MYO10: variants seen among roughly 807,000 people sequenced by gnomAD.
MYO10 encodes the protein unconventional myosin-X.
In MYO10, 133 loss-of-function variants were observed where a neutral mutation model predicts 257.3. The observed-to-expected ratio is 0.52, with a 90% confidence interval of 0.45 to 0.60. The LOEUF is 0.60. MYO10 is among the 20% of genes least tolerant of loss of function. The probability of loss-of-function intolerance (pLI) is 0.00; values close to 1 mark genes in which losing one functional copy is unlikely to be tolerated. For synonymous variants in MYO10, 1,104 were observed against 1,028.6 expected (o/e 1.07, Z -1.40); for missense variants, 2,399 against 2,635.7 (o/e 0.91, Z 1.97).
intron 1 of MYO10, among the ~76,000 whole-genome samples, chr5:16,927,735 T>C (rs1318460066): frequency 1.3e-5 from 2 of 152,228 alleles, no homozygotes; most frequent in African/African-American, 2.4e-5. Flanking sequence ...AATTCCCATA[T>C]GTTTCTCCCT....
intron 14 of MYO10, among the ~76,000 whole-genome samples, chr5:16,763,106 G>A (rs772672002): frequency 3.3e-5 from 5 of 151,816 alleles, no homozygotes; most frequent in Admixed American, 2.0e-4. Flanking sequence ...ATACACTATA[G>A]AGAAAACCAA....
At chr5:16,777,839 C>CTATTCTTTTTTTTTT (rs1391555719) in intron 9 of MYO10, among the ~76,000 whole-genome samples, 1 of 88,478 alleles carries the variant, frequency 1.1e-5, no homozygotes, top group African/African-American at 5.4e-5. Flanking sequence ...TTGCATCTAA[C>CTATTCTTTTTTTTTT]TTTTTTTTTT....
At chr5:16,752,936 G>A (rs865818244) in intron 19 of MYO10, among the ~76,000 whole-genome samples, 3 of 151,920 alleles carry the variant, frequency 2.0e-5, no homozygotes, top group African/African-American at 7.3e-5. Flanking sequence ...TTTGAAAAAC[G>A]GAAAGATGGG....
chr5:16,672,589 C>T, intron 37 of MYO10, 100 bp downstream of exon 37: 1 of 1,405,220 alleles, frequency 7.1e-7, no homozygotes, highest in Non-Finnish European at 9.8e-7. Flanking sequence ...AACTCCAATA[C>T]AGCGTGAAGC....
intron 1 of MYO10, among the ~76,000 whole-genome samples, chr5:16,892,558 T>C (rs1745089293): frequency 6.6e-6 from 1 of 152,058 alleles, no homozygotes; most frequent in South Asian, 2.1e-4. Flanking sequence ...TGAGAGAGTC[T>C]CCTGAACCAA....
chr5:16,702,818 T>G, intron 23 of MYO10, 107 bp downstream of exon 23: 1 of 1,091,182 alleles, frequency 9.2e-7, no homozygotes. Context: ...TGTTTCAAAT[T>G]GTAGGTTCTG....
In MYO10 at chr5:16,701,124, A is replaced by C. The variant is rs1049956241; in HGVS notation, c.3271T>G (p.Tyr1091Asp). The C allele has an allele frequency of 2.5e-6, 4 of 1,595,624 alleles. No homozygotes were observed. In the African/African-American group the frequency reaches 5.4e-5, roughly 21 times the overall value. The stretch of plus-strand genomic sequence containing the variant: ...CCGTCCTCATAGTCATCCTGGTCGT[A>C]GTCGTAGTCGCCGTCTGGGGAGGGC... ...DLPSPDGDYD[Y>D]DQDDYEDGAI... The change falls in exon 25 of 41, where the codon TAC becomes GAC. Residue 1091 changes from tyrosine to aspartate, a missense_variant. By Grantham distance (160) the Tyr-to-Asp change is radical. This residue lies in a region of MYO10 where 1,820 missense variants were observed against 1,939.4 expected (regional missense o/e 0.94). Coordinates refer to ENST00000513610, the MANE Select transcript of MYO10 (RefSeq NM_012334.3). The surrounding 1 kb of genome is among the most constrained non-coding windows in gnomAD (Gnocchi z 8.1).
chr5:16,911,224 C>T (rs1208145184), intron 1 of MYO10, among the ~76,000 whole-genome samples: 1 of 152,152 alleles, frequency 6.6e-6, no homozygotes, highest in Admixed American at 6.6e-5. Context: ...CTAGATACCA[C>T]CCTCTCAAAA....
intron 2 of MYO10, among the ~76,000 whole-genome samples, chr5:16,854,621 A>G (rs1743906541): frequency 6.6e-6 from 1 of 152,224 alleles, no homozygotes; most frequent in Non-Finnish European, 1.5e-5. Context: ...ATGTTTCAAC[A>G]TCTATTGTAG....
intron 33 of MYO10, among the ~76,000 whole-genome samples, chr5:16,676,635 G>A (rs1234584192): frequency 6.6e-6 from 1 of 152,160 alleles, no homozygotes; most frequent in African/African-American, 2.4e-5. Context: ...ATAATTGCTT[G>A]AACCCGGGAG....
intron 19 of MYO10, among the ~76,000 whole-genome samples, chr5:16,722,049 G>A (rs1329246992): frequency 1.3e-5 from 2 of 152,096 alleles, no homozygotes; most frequent in Non-Finnish European, 2.9e-5. Flanking sequence ...CTCACTTCCT[G>A]TCTCCACCTC....
chr5:16,752,322 C>T (rs1014040926), intron 19 of MYO10, among the ~76,000 whole-genome samples: 3 of 152,062 alleles, frequency 2.0e-5, no homozygotes, highest in African/African-American at 7.2e-5. Context: ...TTGCTGTATT[C>T]CACAGGCTGG....
At chr5:16,684,874 C>T (rs977350181) in intron 29 of MYO10, among the ~76,000 whole-genome samples, 10 of 151,954 alleles carry the variant, frequency 6.6e-5, no homozygotes, top group Admixed American at 5.9e-4. Flanking sequence ...TAGTGAAACC[C>T]TGTTTCTACT....
chr5:16,693,604 G>T (rs1415755969), intron 27 of MYO10, among the ~76,000 whole-genome samples: 1 of 152,196 alleles, frequency 6.6e-6, no homozygotes, highest in Non-Finnish European at 1.5e-5. Flanking sequence ...CCTGACTTCA[G>T]GCATTAATTT....
At chr5:16,755,068 A>T (rs1287489878) in intron 18 of MYO10, among the ~76,000 whole-genome samples, 160 bp from the exon 19 acceptor site, 1 of 152,282 alleles carries the variant, frequency 6.6e-6, no homozygotes, top group Non-Finnish European at 1.5e-5. Flanking sequence ...TCTAATATAA[A>T]ATAAACATAC....
At chr5:16,772,804 A>G (rs918393756) in intron 9 of MYO10, among the ~76,000 whole-genome samples, 1 of 152,222 alleles carries the variant, frequency 6.6e-6, no homozygotes. Flanking sequence ...GGCTGGAGGA[A>G]GCTGGATACA....
At position 16,701,532 on chromosome 5, in the gene MYO10, G is replaced by C. The variant is rs770160016; in HGVS notation, c.2863C>G (p.Arg955Gly). 6.2e-7 allele frequency: 1 copy of C among 1,613,906 alleles called. No individual in the cohort carries two copies. Among genetic ancestry groups the C allele is most frequent in the African/African-American group, 1.3e-5 (1 of 75,026 alleles). ...ACCGACAGGGACCGCTCGATATTCC[G>C]GACACACTCGTCGATCTCGTCGAAA... ...LNFDEIDECV[R>G]NIERSLSVGS... Residue 955 changes from arginine (R) to glycine (G), a missense_variant, in exon 25 of 41, where the codon CGG (arginine) becomes GGG (glycine). Arg to Gly is a moderately radical substitution (Grantham distance 125, BLOSUM62 -2). Transcript: ENST00000513610. This position sits in a 1 kb window ranked among gnomAD's most constrained non-coding sequence, Gnocchi z 8.1.
chr5:16,920,098 A>C (rs1745939846), intron 1 of MYO10, among the ~76,000 whole-genome samples: 1 of 152,060 alleles, frequency 6.6e-6, no homozygotes, highest in African/African-American at 2.4e-5. Flanking sequence ...CAACAGAGCG[A>C]CATTCAGTCT....
intron 19 of MYO10, among the ~76,000 whole-genome samples, chr5:16,733,181 C>A (rs1303731023): frequency 6.6e-6 from 1 of 152,018 alleles, no homozygotes; most frequent in South Asian, 2.1e-4. Flanking sequence ...AATACACACA[C>A]TCAGAAAAAT....
Sources: allele counts gnomAD v4.1 joint callset (sites outside exome capture counted in the v4.1 genomes callset), GRCh38; gene constraint gnomAD v4.1.1; regional missense constraint gnomAD v4.1.1; non-coding constraint Gnocchi (gnomAD v3.1); transcripts MANE v1.5; gene names NCBI Gene and HGNC (gene_info 2026-07-23, HGNC 2026-07-21).